Variants in RASAL1 observed in about 807,000 individuals in gnomAD.
RASAL1 encodes rasGAP-activating-like protein 1.
In RASAL1, 72 loss-of-function variants were observed where a neutral mutation model predicts 96.6. The ratio of observed to expected loss-of-function variants is 0.75; its 90% CI spans 0.62 to 0.91. RASAL1 has a LOEUF of 0.91. RASAL1 is among the 40% of genes least tolerant of loss of function. RASAL1 has a pLI of 0.00. For synonymous variants in RASAL1, 405 were observed against 430.4 expected, an observed-to-expected ratio of 0.94 and a Z score of 0.73; for missense variants, 1,016 against 1,072.5, an observed-to-expected ratio of 0.95 and a Z score of 0.74.
At chr12:113,116,624 A>G (rs1284880) in intron 8 of RASAL1, among the ~76,000 whole-genome samples, 144,661 of 152,308 alleles carry the variant, frequency 0.95, 68,790 homozygotes, top group Admixed American at 0.98. Context: ...AGATGTGGCC[A>G]GTGTACACAA....
Position 113,128,082 on chromosome 12 carries a change from C to T in RASAL1, c.219G>A (p.Leu73=). Residue 73 remains leucine, a synonymous_variant, in exon 3 of 21, where the codon CTG becomes CTA. Coordinates refer to ENST00000548055, the MANE Select transcript of RASAL1 (RefSeq NM_001301202.2). ...LDFHQLAFYV[L]DEDTVGHDDI... ...CCACAAACCCGACAGTGTCCTCATC[C>T]AGCACGTAGAAGGCCAGCTGGTGGA... is the stretch of plus-strand genomic sequence containing the variant. 1 of 1,613,998 alleles carries T rather than the reference C, an allele frequency of 6.2e-7. No homozygotes were observed. Among genetic ancestry groups the T allele is most frequent in the Non-Finnish European group, 8.5e-7 (1 of 1,179,960 alleles).
rs376810243 is a variant in RASAL1 at position 113,099,908 on chromosome 12, C to A, written c.*21G>T. The A allele has an allele frequency of 6.2e-7, 1 of 1,600,036 alleles. No homozygotes were observed. Among genetic ancestry groups the A allele is most frequent in the Non-Finnish European group, 8.5e-7 (1 of 1,171,474 alleles). ...GCCCCCTGGCTCTTGCTCCTCCTTC[C>A]GGGCTAGCTCTGGCATTTCCTTAGG... On this transcript the variant is annotated 3_prime_UTR_variant, in exon 21 of 21. Coordinates refer to ENST00000548055, the MANE Select transcript of RASAL1 (RefSeq NM_001301202.2).
intron 13 of RASAL1, among the ~76,000 whole-genome samples, chr12:113,109,565 C>A (rs557595817): frequency 1.5e-4 from 23 of 152,298 alleles, no homozygotes; most frequent in Admixed American, 1.0e-3. Context: ...CTTGCTCCCC[C>A]CAAACCAGCT....
rs763150434 is a variant in RASAL1 at position 113,117,064 on chromosome 12, C to G, written c.731+9G>C. On this transcript the variant is annotated intron_variant, in intron 8 of 20. Coordinates refer to ENST00000548055, the MANE Select transcript of RASAL1 (RefSeq NM_001301202.2). ...CAGCCTGGCCCCCTCCCTCTGCACCCACATTTACCCAGAATCCTCCTCGGC... is the reference window on the plus strand; with the variant it reads ...CAGCCTGGCCCCCTCCCTCTGCACCGACATTTACCCAGAATCCTCCTCGGC... The G allele has an allele frequency of 1.3e-6, 2 of 1,582,838 alleles. No homozygotes were observed. Among genetic ancestry groups the G allele is most frequent in the Non-Finnish European group, 1.7e-6 (2 of 1,157,208 alleles).
chr12:113,136,553 T>G (rs929827040), upstream of RASAL1, among the ~76,000 whole-genome samples: 1 of 152,242 alleles, frequency 6.6e-6, no homozygotes, highest in African/African-American at 2.4e-5. Flanking sequence ...TGATTTGCCT[T>G]CCAGGGGTTC....
rs774939653 is a variant in RASAL1, at chr12:113,119,396, C to G, written c.476G>C (p.Arg159Pro). ...CAAGCTCTGGCTGCCCCAAAACACA[C>G]GTGCAAATGGGTCAGATGTGCCAGA... ...DISGTSDPFA[R>P]VFWGSQSLET... The change falls in exon 6 of 21, where the codon CGT becomes CCT. Residue 159 changes from arginine to proline, a missense_variant. Physicochemically the swap from Arg to Pro is moderately radical, Grantham distance 103 (BLOSUM62 -2). Transcript: ENST00000548055. 3.1e-6 allele frequency: 5 copies of G among 1,611,544 alleles called. No homozygotes were observed. The highest frequency in any genetic ancestry group is 1.7e-5 in the Admixed American group (1 of 59,808).
Position 113,105,768 on chromosome 12 carries a change from G to T in RASAL1, c.1776C>A (p.Arg592=). 6.2e-7 allele frequency: 1 copy of T among 1,614,116 alleles called. No individual in the cohort carries two copies. The highest frequency in any genetic ancestry group is 1.1e-5 in the South Asian group (1 of 91,074). Residue 592 remains arginine (R), a synonymous_variant, in exon 16 of 21, where the codon CGC becomes CGA. Transcript: ENST00000548055. ...GLATRFAFKK[R]YVWLSGETLS... ...GGGTCTCCCCGCTGAGCCAGACGTAGCGCTTCTTGAAGGCAAAGCGCGTGG... is the reference window on the plus strand; with the variant it reads ...GGGTCTCCCCGCTGAGCCAGACGTATCGCTTCTTGAAGGCAAAGCGCGTGG...
chr12:113,102,711 C>G (rs542336040), intron 18 of RASAL1, among the ~76,000 whole-genome samples: 1 of 152,248 alleles, frequency 6.6e-6, no homozygotes, highest in Admixed American at 6.5e-5. Flanking sequence ...AACAGAGACT[C>G]TGTCTCAAAA....
Position 113,115,044 on chromosome 12 carries a change from G to T in RASAL1, c.1069-132C>A. 1.9e-6 allele frequency: 2 copies of T among 1,072,448 alleles called. No individual in the cohort carries two copies. The highest frequency in any genetic ancestry group is 2.9e-6 in the Non-Finnish European group (2 of 699,554). The allele number at this position is 1,072,448 out of a possible 1,614,324, so 66.4% of individuals were successfully genotyped here. ...AGGGCTGGGGTAGGGGACACATCCA[G>T]GTGCAACTCAGGGCAAGGCCGGGCA... On this transcript the variant is annotated intron_variant, in intron 11 of 20. Transcript: ENST00000548055. This position sits in a 1 kb window ranked among gnomAD's most constrained non-coding sequence, Gnocchi z 4.1.
intron 3 of RASAL1, 49 bp downstream of exon 3, chr12:113,128,016 C>T: frequency 6.3e-7 from 1 of 1,591,792 alleles, no homozygotes; most frequent in South Asian, 1.1e-5. Flanking sequence ...CCTCAGGTGC[C>T]CAGGCTTGGG....
chr12:113,102,668 G>A (rs568092345), intron 18 of RASAL1, among the ~76,000 whole-genome samples: 1 of 152,032 alleles, frequency 6.6e-6, no homozygotes, highest in Non-Finnish European at 1.5e-5. Context: ...GCTGCAGGGA[G>A]CCATGATTGC....
Position 113,107,175 on chromosome 12 carries a change from G to T in RASAL1, c.1579C>A (p.Leu527Met), listed in dbSNP as rs1346222844. ...GQGKELWMAP[L>M]HPFLLQCVSR... ...ACACACTGCAGCAGGAAGGGGTGCA[G>T]GGGGGCCATCCACAGTTCCTTGCCT... The change falls in exon 15 of 21, where the codon CTG (leucine) becomes ATG (methionine). Residue 527 changes from leucine (L) to methionine (M), a missense_variant. By Grantham distance (15) the Leu-to-Met change is conservative. Transcript: ENST00000548055. 2 of 1,613,432 alleles carry T rather than the reference G, an allele frequency of 1.2e-6. No individual in the cohort carries two copies. Among genetic ancestry groups the T allele is most frequent in the East Asian group, 2.2e-5 (1 of 44,862 alleles).
intron 19 of RASAL1, 130 bp downstream of exon 19, chr12:113,101,759 T>C (rs10161235): frequency 0.022 from 27,105 of 1,234,674 alleles, 1,677 homozygotes; most frequent in African/African-American, 0.21. Flanking sequence ...GTCCCCACCC[T>C]GGGCCAGGCC....
intron 18 of RASAL1, chr12:113,103,673 C>A (rs1013887993): frequency 3.0e-5 from 16 of 541,982 alleles, no homozygotes; most frequent in Non-Finnish European, 4.2e-5. Context: ...TGTTTGAGTA[C>A]CACTGGATGC....
chr12:113,111,527 A>C (rs1950864719), intron 13 of RASAL1, among the ~76,000 whole-genome samples: 1 of 152,146 alleles, frequency 6.6e-6, no homozygotes, highest in Non-Finnish European at 1.5e-5. Flanking sequence ...TAAATCACCT[A>C]AAACAAGATA....
At chr12:113,125,601 G>A (rs547712126) in intron 4 of RASAL1, among the ~76,000 whole-genome samples, 4 of 152,166 alleles carry the variant, frequency 2.6e-5, no homozygotes, top group Admixed American at 6.6e-5. Context: ...GTCTGAGTGC[G>A]GTGGTGTTTA....
At chr12:113,103,255 C>A (rs1362419839) in intron 18 of RASAL1, among the ~76,000 whole-genome samples, 1 of 149,070 alleles carries the variant, frequency 6.7e-6, no homozygotes, top group East Asian at 2.0e-4. Flanking sequence ...CAATGTTATA[C>A]ATTGTAATAC....
intron 18 of RASAL1, 142 bp downstream of exon 18, chr12:113,103,804 C>T (rs1357753386): frequency 1.8e-6 from 2 of 1,116,446 alleles, no homozygotes; most frequent in African/African-American, 3.1e-5. Flanking sequence ...TGTTATCAAC[C>T]TCATTTCACA....
chr12:113,119,291 A>C, intron 6 of RASAL1, 32 bp from the exon 7 acceptor site: 1 of 1,611,400 alleles, frequency 6.2e-7, no homozygotes, highest in East Asian at 2.2e-5. Context: ...TGTGAGTGGG[A>C]GAGCTGATGG....
Sources: gnomAD v4.1 joint callset for allele counts (sites outside exome capture counted in the v4.1 genomes callset) on GRCh38, gnomAD v4.1.1 for gene constraint, Gnocchi (gnomAD v3.1) non-coding constraint, MANE v1.5 for transcripts, NCBI Gene and HGNC (gene_info 2026-07-23, HGNC 2026-07-21) for gene names.